RBM41: variants seen among roughly 807,000 people sequenced by gnomAD.
RBM41 encodes the protein RNA-binding protein 41.
A neutral mutation model predicts 30.8 loss-of-function variants in RBM41; 14 were observed. The ratio of observed to expected loss-of-function variants is 0.45; its 90% CI spans 0.30 to 0.71. The LOEUF is 0.71. Ranked by LOEUF, RBM41 falls within the 30% of genes least tolerant of loss-of-function variation. RBM41 has a pLI of 0.08. For synonymous variants in RBM41, 120 were observed against 110.1 expected (o/e 1.09, Z -0.56); for missense variants, 276 against 326.3 (o/e 0.85, Z 1.19).
intron 6 of RBM41, among the ~76,000 whole-genome samples, chrX:107,086,057 A>T (rs1922012835): frequency 8.9e-6 from 1 of 112,110 alleles, no homozygotes; most frequent in African/African-American, 3.2e-5. Flanking sequence ...ACTCACAGAA[A>T]GTTCCTGAAA....
At chrX:107,084,227 C>T (rs12391551) in intron 6 of RBM41, among the ~76,000 whole-genome samples, 2 of 110,158 alleles carry the variant, frequency 1.8e-5, no homozygotes, top group African/African-American at 6.6e-5. Flanking sequence ...CTATAATCCA[C>T]GATTATTATA....
At chrX:107,092,681 C>A (rs1415835762) in intron 5 of RBM41, among the ~76,000 whole-genome samples, 1 of 112,023 alleles carries the variant, frequency 8.9e-6, no homozygotes, top group Non-Finnish European at 1.9e-5. Flanking sequence ...TAATAGAAAA[C>A]CAACATATTG....
rs1425615599 is a variant in RBM41 at position 107,116,699 on chromosome X, G to A, written c.76C>T (p.Leu26=). 8 of 1,209,062 alleles carry A rather than the reference G, an allele frequency of 6.6e-6. No individual in the cohort carries two copies. The East Asian group carries it at 2.4e-4, about 36-fold the overall frequency. Residue 26 remains leucine, a synonymous_variant, in exon 2 of 8, where the codon CTG becomes TTG. Coordinates refer to ENST00000685964, the MANE Select transcript of RBM41 (RefSeq NM_001324242.2). ...AGTTGATGCTGAAGGAGGCTTTTCA[G>A]CTGCCTCTCCCCTTCTGTTTCCAGC... ...EELETEGERQ[L]KSLLQHQLDT...
At chrX:107,105,656 G>T (rs1194302131) in intron 5 of RBM41, among the ~76,000 whole-genome samples, 4 of 111,309 alleles carry the variant, frequency 3.6e-5, no homozygotes, top group Non-Finnish European at 7.5e-5. Context: ...CATGGTACTG[G>T]TACCAAAACA....
chrX:107,094,081 A>C (rs976552090), intron 5 of RBM41, among the ~76,000 whole-genome samples: 2 of 112,131 alleles, frequency 1.8e-5, no homozygotes, highest in African/African-American at 3.2e-5. Context: ...TCAATAAACA[A>C]CCCACAAAGA....
chrX:107,104,471 T>G (rs182796519), intron 5 of RBM41, among the ~76,000 whole-genome samples: 7 of 111,487 alleles, frequency 6.3e-5, no homozygotes, highest in African/African-American at 2.3e-4. Flanking sequence ...AAACAAAGAA[T>G]AGAAAAAATC....
chrX:107,104,479 A>G (rs1249515236), intron 5 of RBM41, among the ~76,000 whole-genome samples: 1 of 111,358 alleles, frequency 9.0e-6, no homozygotes, highest in Non-Finnish European at 1.9e-5. Context: ...AATAGAAAAA[A>G]TCTTTTCCCA....
At position 107,064,956 on chromosome X, in the gene RBM41, G is replaced by A. The variant is rs753693985; in HGVS notation, c.*2571C>T. 2 of 111,483 alleles carry A rather than the reference G, an allele frequency of 1.8e-5. No homozygotes were observed. The highest frequency in any genetic ancestry group is 5.6e-4 in the East Asian group (2 of 3,553). 9.2% of individuals were successfully genotyped at this position (111,483 alleles called of 1,213,427 possible). A position where few individuals can be genotyped will look rare whatever the true frequency, so the allele number is the denominator to read the frequency against. The stretch of plus-strand genomic sequence containing the variant: ...TGTATTTTGGGCTCTACTGTTAGAT[G>A]CATATATATTTATAGTTGTTACATC... On this transcript the variant is annotated 3_prime_UTR_variant, in exon 8 of 8. Transcript: ENST00000685964.
intron 5 of RBM41, among the ~76,000 whole-genome samples, chrX:107,095,149 C>CAAAA (rs59436196): frequency 0.025 from 1,294 of 51,017 alleles, 68 homozygotes; most frequent in African/African-American, 0.074. Context: ...TATAAGGAGG[C>CAAAA]AAAAAAAAAA....
Position 107,087,661 on chromosome X carries a change from A to G in RBM41, c.999+775T>C, listed in dbSNP as rs1412768038. Among the ~76,000 whole-genome samples the G allele has an allele frequency of 2.7e-5, 3 of 112,602 alleles. No homozygotes were observed. The Admixed American group carries it at 2.8e-4, about 11-fold the overall frequency. On this transcript the variant is annotated intron_variant, in intron 6 of 7. Transcript: ENST00000685964. ...GTTTGTTGCCCAGGCTGGATTTTGC[A>G]GTGGCATGATCTCGGCTCACTGCAA...
At position 107,063,304 on chromosome X, in the gene RBM41, T is replaced by A. The variant is rs761062068; in HGVS notation, c.*4223A>T. On this transcript the variant is annotated 3_prime_UTR_variant, in exon 8 of 8. Transcript: ENST00000685964. ...TGGACACTTCATATAAATAGTATCA[T>A]ATAATATGTAGTCTTTTGTGACTGG... is the stretch of plus-strand genomic sequence containing the variant. Among the ~76,000 whole-genome samples the A allele has an allele frequency of 2.7e-5, 3 of 111,884 alleles. No individual in the cohort carries two copies. The highest frequency in any genetic ancestry group is 5.6e-5 in the Non-Finnish European group (3 of 53,195).
chrX:107,065,555 C>T lies in RBM41; in HGVS notation c.*1972G>A. ...TATGTTATTCCTATACATTACAAACCCAACACACATTATTATAATTACTTA... is the reference window on the plus strand; with the variant it reads ...TATGTTATTCCTATACATTACAAACTCAACACACATTATTATAATTACTTA... On this transcript the variant is annotated 3_prime_UTR_variant, in exon 8 of 8. Transcript: ENST00000685964. The T allele has an allele frequency of 3.0e-6, 1 of 337,183 alleles. No individual in the cohort carries two copies. Among genetic ancestry groups the T allele is most frequent in the Non-Finnish European group, 5.0e-6 (1 of 200,009 alleles). The allele number at this position is 337,183 out of a possible 1,213,427, so 27.8% of individuals were successfully genotyped here. A position where few individuals can be genotyped will look rare whatever the true frequency, so the allele number is the denominator to read the frequency against.
In RBM41 at chrX:107,118,783, G is replaced by A. The variant is rs748101025; in HGVS notation, c.-10C>T. The A allele has an allele frequency of 2.5e-6, 3 of 1,209,875 alleles. No homozygotes were observed. The highest frequency in any genetic ancestry group is 2.3e-4 in the Middle Eastern group (1 of 4,371). ...GTCCTTACCTCTTCATGTTTCCACAGGCCCCTACCTCCAACTTGGGTAAAT... is the reference window on the plus strand; with the variant it reads ...GTCCTTACCTCTTCATGTTTCCACAAGCCCCTACCTCCAACTTGGGTAAAT... On this transcript the variant is annotated 5_prime_UTR_variant, in exon 1 of 8. Transcript: ENST00000685964.
At chrX:107,084,152 A>G (rs1221818329) in intron 6 of RBM41, among the ~76,000 whole-genome samples, 1 of 106,688 alleles carries the variant, frequency 9.4e-6, no homozygotes, top group Non-Finnish European at 1.9e-5. Context: ...AAAAAAAACA[A>G]ATCAAAACAA....
At chrX:107,092,608 A>C (rs1380342368) in intron 5 of RBM41, among the ~76,000 whole-genome samples, 1 of 111,400 alleles carries the variant, frequency 9.0e-6, no homozygotes, top group African/African-American at 3.3e-5. Context: ...AAATAAATAT[A>C]TACAAAAGTG....
downstream of RBM41, among the ~76,000 whole-genome samples, chrX:107,061,273 A>T (rs1037685653): frequency 8.9e-6 from 1 of 112,099 alleles, no homozygotes; most frequent in South Asian, 3.7e-4. Context: ...GTTAAGTAAG[A>T]TGTTAGCATT....
chrX:107,061,759 C>G (rs1185491131), downstream of RBM41, among the ~76,000 whole-genome samples: 2 of 111,115 alleles, frequency 1.8e-5, no homozygotes, highest in African/African-American at 3.3e-5. Flanking sequence ...ATGTTTCTAA[C>G]TGATGATTTC....
intron 6 of RBM41, chrX:107,070,398 A>G: frequency 3.1e-6 from 1 of 326,521 alleles, no homozygotes; most frequent in Non-Finnish European, 5.9e-6. Flanking sequence ...AAGATTTTGG[A>G]AGTCTTCTCT....
chrX:107,116,875 C>T, intron 1 of RBM41, 109 bp from the exon 2 acceptor site: 3 of 747,758 alleles, frequency 4.0e-6, no homozygotes, highest in Non-Finnish European at 3.8e-6. Flanking sequence ...TTCAAAGACA[C>T]TTCTCCAACA....
Sources: allele counts gnomAD v4.1 joint callset (sites outside exome capture counted in the v4.1 genomes callset), GRCh38; gene constraint gnomAD v4.1.1; transcripts MANE v1.5; gene names NCBI Gene and HGNC (gene_info 2026-07-23, HGNC 2026-07-21).